The following ATP8A2 variants were observed in gnomAD, a reference collection of about 807,000 sequenced individuals.
ATP8A2 encodes ATPase phospholipid transporting 8A2.
A neutral mutation model predicts 165.6 loss-of-function variants in ATP8A2; 100 were observed. That is an observed-to-expected ratio of 0.60 (90% CI 0.51 to 0.71). The LOEUF is 0.71. Ranked by LOEUF, ATP8A2 falls within the 30% of genes least tolerant of loss-of-function variation. The pLI, the probability that ATP8A2 is intolerant of heterozygous loss-of-function variation, is 0.00. For missense variants in ATP8A2, 1,227 were observed against 1,479.5 expected, an observed-to-expected ratio of 0.83 and a Z score of 2.80; for synonymous variants, 543 against 548.8, an observed-to-expected ratio of 0.99 and a Z score of 0.15.
chr13:25,980,689 C>A (rs906922411), intron 35 of ATP8A2, among the ~76,000 whole-genome samples: 2 of 152,078 alleles, frequency 1.3e-5, no homozygotes, highest in Non-Finnish European at 2.9e-5. Flanking sequence ...GCCATAGAAT[C>A]CCATTCTCAA....
Position 25,570,808 on chromosome 13 carries a change from C to G in ATP8A2, c.1515C>G (p.Ala505=). The change falls in exon 17 of 37, where the codon GCC becomes GCG. Residue 505 remains alanine, a synonymous_variant. Coordinates refer to ENST00000381655, the MANE Select transcript of ATP8A2 (RefSeq NM_016529.6). ...PCIQEFLTLL[A]VCHTVVPEKD... ...TTCAGGAGTTCCTCACCCTTCTGGCCGTGTGCCACACGGTTGTTCCTGAGA... is the reference window on the plus strand; with the variant it reads ...TTCAGGAGTTCCTCACCCTTCTGGCGGTGTGCCACACGGTTGTTCCTGAGA... 6.2e-7 allele frequency: 1 copy of G among 1,613,696 alleles called. No homozygotes were observed. Among genetic ancestry groups the G allele is most frequent in the Non-Finnish European group, 8.5e-7 (1 of 1,179,690 alleles).
At chr13:25,564,473 A>G (rs1302029217) in intron 16 of ATP8A2, among the ~76,000 whole-genome samples, 1 of 152,208 alleles carries the variant, frequency 6.6e-6, no homozygotes, top group Non-Finnish European at 1.5e-5. Context: ...ACTAACATAT[A>G]TTTCTTTCAA....
At position 25,394,819 on chromosome 13, in the gene ATP8A2, G is replaced by A. The variant is rs556615583; in HGVS notation, c.76+22531G>A. Among the ~76,000 whole-genome samples the A allele has an allele frequency of 6.5e-4, 99 of 152,222 alleles. No individual in the cohort carries two copies. The South Asian group carries it at 0.014, about 21-fold the overall frequency. The stretch of plus-strand genomic sequence containing the variant: ...ACCAGAAAAAGCACAATAACTCTTC[G>A]TCACCTGAGATGACTAGAGTCTTAT... On this transcript the variant is annotated intron_variant, in intron 1 of 36. Coordinates refer to ENST00000381655, the MANE Select transcript of ATP8A2 (RefSeq NM_016529.6).
At chr13:25,678,597 A>G (rs2042419793) in intron 24 of ATP8A2, among the ~76,000 whole-genome samples, 1 of 152,156 alleles carries the variant, frequency 6.6e-6, no homozygotes, top group Non-Finnish European at 1.5e-5. Context: ...CAGCTCTGCA[A>G]CACAGCTCCT....
intron 24 of ATP8A2, among the ~76,000 whole-genome samples, chr13:25,682,876 T>G (rs1366647491): frequency 4.6e-5 from 7 of 152,190 alleles, no homozygotes; most frequent in Non-Finnish European, 1.0e-4. Context: ...CCAGTTCCCT[T>G]CTGGCTGGTT....
chr13:25,927,117 T>C (rs570840255), intron 33 of ATP8A2: 2 of 456,754 alleles, frequency 4.4e-6, no homozygotes, highest in East Asian at 6.9e-5. Context: ...GTAGCTCACA[T>C]GCATGGTTTG....
At chr13:25,594,887 T>G (rs1373009285) in intron 24 of ATP8A2, among the ~76,000 whole-genome samples, 2 of 151,942 alleles carry the variant, frequency 1.3e-5, no homozygotes, top group Non-Finnish European at 2.9e-5. Context: ...TGCACACACA[T>G]GTTTATAGCA....
chr13:25,779,199 A>G (rs2044814014), intron 27 of ATP8A2, among the ~76,000 whole-genome samples: 1 of 152,166 alleles, frequency 6.6e-6, no homozygotes, highest in African/African-American at 2.4e-5. Flanking sequence ...ATAAGGACAG[A>G]TTGTATGCTT....
intron 23 of ATP8A2, among the ~76,000 whole-genome samples, chr13:25,583,655 TG>T (rs1474606992): frequency 1.3e-5 from 2 of 152,148 alleles, no homozygotes; most frequent in African/African-American, 2.4e-5. Flanking sequence ...TAGCTAAGTT[TG>T]GGATAAACAC....
At chr13:25,975,471 A>T (rs1325517779) in intron 35 of ATP8A2, among the ~76,000 whole-genome samples, 1 of 151,686 alleles carries the variant, frequency 6.6e-6, no homozygotes, top group Non-Finnish European at 1.5e-5. Flanking sequence ...AGTCCCAGCT[A>T]CTCAGGAGGC....
chr13:25,947,923 G>A (rs1364701478), intron 33 of ATP8A2, among the ~76,000 whole-genome samples: 1 of 152,140 alleles, frequency 6.6e-6, no homozygotes, highest in Non-Finnish European at 1.5e-5. Flanking sequence ...GCAGATAAGA[G>A]AACATCATGC....
chr13:25,512,805 C>T lies in ATP8A2; in HGVS notation c.222-17194C>T, dbSNP rs192627141. Among the ~76,000 whole-genome samples the T allele has an allele frequency of 8.9e-3, 1,275 of 143,474 alleles. 32 individuals carry two copies. Among genetic ancestry groups the T allele is most frequent in the African/African-American group, 0.032 (1,197 of 37,948 alleles). The allele number at this position is 143,474 out of a possible 152,430, so 94.1% of individuals were successfully genotyped here. A position where few individuals can be genotyped will look rare whatever the true frequency, so the allele number is the denominator to read the frequency against. ...GGGGCTGACCCCCCCATCTCCCTCC[C>T]GTACGGGGCGGCTGGCCGGGCAGAG... On this transcript the variant is annotated intron_variant, in intron 2 of 36. Transcript: ENST00000381655.
intron 28 of ATP8A2, among the ~76,000 whole-genome samples, chr13:25,833,043 A>G (rs1394735293): frequency 2.0e-5 from 3 of 151,958 alleles, no homozygotes; most frequent in South Asian, 2.1e-4. Context: ...TTTAAAATCA[A>G]TAGCCTTTTT....
chr13:25,468,245 G>A (rs1425980873), intron 1 of ATP8A2, among the ~76,000 whole-genome samples: 3 of 152,158 alleles, frequency 2.0e-5, no homozygotes, highest in African/African-American at 4.8e-5. Context: ...GGCTTGCCAC[G>A]TAACCACAGA....
intron 24 of ATP8A2, among the ~76,000 whole-genome samples, chr13:25,691,500 A>G (rs1024764788): frequency 2.0e-5 from 3 of 152,332 alleles, no homozygotes; most frequent in South Asian, 2.1e-4. Flanking sequence ...TGTGGGAGGT[A>G]GGGATGGCCA....
intron 1 of ATP8A2, among the ~76,000 whole-genome samples, chr13:25,419,485 AT>A (rs1345892645): frequency 7.0e-6 from 1 of 142,674 alleles, no homozygotes; most frequent in African/African-American, 2.9e-5. Flanking sequence ...AAGGAAATAT[AT>A]TTTTATGCTG....
At chr13:25,398,684 G>C (rs768569075) in intron 1 of ATP8A2, among the ~76,000 whole-genome samples, 1 of 152,186 alleles carries the variant, frequency 6.6e-6, no homozygotes, top group Admixed American at 6.5e-5. Flanking sequence ...ATTTGAATGA[G>C]ACTTAGTCCC....
intron 33 of ATP8A2, among the ~76,000 whole-genome samples, chr13:25,889,275 A>ATATATAT (rs1566239890): frequency 2.1e-4 from 18 of 84,882 alleles, no homozygotes; most frequent in African/African-American, 1.1e-3. Context: ...TATATATATA[A>ATATATAT]AATTTAAATG....
At chr13:25,406,255 G>C (rs991476037) in intron 1 of ATP8A2, among the ~76,000 whole-genome samples, 3 of 152,194 alleles carry the variant, frequency 2.0e-5, no homozygotes, top group African/African-American at 7.2e-5. Flanking sequence ...GCATCCCGGT[G>C]CTATTATCCT....
Sources: gnomAD v4.1 joint callset for allele counts (sites outside exome capture counted in the v4.1 genomes callset) on GRCh38, gnomAD v4.1.1 for gene constraint, MANE v1.5 for transcripts, NCBI Gene and HGNC (gene_info 2026-07-23, HGNC 2026-07-21) for gene names.